The following UBAP2 variants were observed in gnomAD, a reference collection of about 807,000 sequenced individuals.
UBAP2 encodes the protein ubiquitin-associated protein 2.
In UBAP2, 75 loss-of-function variants were observed where a neutral mutation model predicts 139.6. The observed-to-expected ratio is 0.54, with a 90% CI of 0.45 to 0.65. The LOEUF is 0.65. Among genes scored for constraint, UBAP2 ranks in the 30% least tolerant of loss-of-function variants. The pLI is 0.00. For synonymous variants in UBAP2, 526 were observed against 526.2 expected, an observed-to-expected ratio of 1.00 and a Z score of 0.01; for missense variants, 1,368 against 1,369.6, an observed-to-expected ratio of 1.00 and a Z score of 0.02.
intron 26 of UBAP2, 49 bp from the exon 27 acceptor site, chr9:33,923,082 G>A (rs1823063349): frequency 1.9e-6 from 3 of 1,613,160 alleles, no homozygotes; most frequent in Non-Finnish European, 2.5e-6. Context: ...CCAGCTCCAG[G>A]CTCCCCACCT....
rs372618667 is a variant in UBAP2 at position 34,012,869 on chromosome 9, G to A, written c.99+4181C>T. On this transcript the variant is annotated intron_variant, in intron 2 of 28. Coordinates refer to ENST00000379238, the MANE Select transcript of UBAP2 (RefSeq NM_001370062.2). The stretch of plus-strand genomic sequence containing the variant: ...TTTTTTTTTTTAAATTGAGGTTCAC[G>A]GTCAGGCCCAGGGGCTCACACCTAT... Among the ~76,000 whole-genome samples, 6 of 150,420 alleles carry A rather than the reference G, an allele frequency of 4.0e-5. 1 individual carries two copies. The highest frequency in any genetic ancestry group is 6.6e-5 in the Admixed American group (1 of 15,050).
intron 2 of UBAP2, among the ~76,000 whole-genome samples, chr9:34,007,931 G>A (rs1014887029): frequency 3.9e-5 from 6 of 152,028 alleles, no homozygotes; most frequent in African/African-American, 1.4e-4. Context: ...ATAAGCCACC[G>A]CACTGGCCTG....
At position 33,922,175 on chromosome 9, in the gene UBAP2, G is replaced by T. The variant is rs1205204713; in HGVS notation, c.*329C>A. On this transcript the variant is annotated 3_prime_UTR_variant, in exon 29 of 29. Transcript: ENST00000379238. ...CAGAGACTGCCCCTAGTGGCCCACT[G>T]GGCAGTGCAGGCTGTGAAGAAGACC... 6.4e-6 allele frequency: 2 copies of T among 314,256 alleles called. No homozygotes were observed. The highest frequency in any genetic ancestry group is 1.2e-5 in the Non-Finnish European group (2 of 166,356). The allele number at this position is 314,256 out of a possible 1,614,324, so 19.5% of individuals were successfully genotyped here.
intron 10 of UBAP2, among the ~76,000 whole-genome samples, chr9:33,956,723 C>G (rs1826594810): frequency 6.6e-6 from 1 of 152,102 alleles, no homozygotes; most frequent in Admixed American, 6.6e-5. Context: ...GTGAAACACT[C>G]AAACCAGGGC....
At chr9:33,967,259 T>C (rs777725441) in intron 8 of UBAP2, among the ~76,000 whole-genome samples, 9 of 152,236 alleles carry the variant, frequency 5.9e-5, no homozygotes, top group Non-Finnish European at 1.2e-4. Flanking sequence ...CAGATTCTTT[T>C]ACACAATCAC....
intron 12 of UBAP2, among the ~76,000 whole-genome samples, chr9:33,949,875 A>G (rs536391065): frequency 1.8e-4 from 28 of 152,336 alleles, no homozygotes; most frequent in Middle Eastern, 3.4e-3. Flanking sequence ...TTAGATGACT[A>G]AGAACACCAA....
At chr9:34,039,847 T>TAAAAAAAAAACAAAA (rs1826885036) in intron 1 of UBAP2, among the ~76,000 whole-genome samples, 1 of 84,422 alleles carries the variant, frequency 1.2e-5, no homozygotes, top group Non-Finnish European at 2.2e-5. Flanking sequence ...CAATAAATAC[T>TAAAAAAAAAACAAAA]AAAAAAAAAA....
At chr9:33,974,193 A>G (rs773794049) in intron 6 of UBAP2, among the ~76,000 whole-genome samples, 3 of 152,154 alleles carry the variant, frequency 2.0e-5, no homozygotes, top group Admixed American at 6.5e-5. Flanking sequence ...CTGTCTCAAC[A>G]ACAACAACAA....
rs1226126055 is a variant in UBAP2 at position 34,041,464 on chromosome 9, C to CAAA, written c.-42+7358_-42+7360dup. Among the ~76,000 whole-genome samples the CAAA allele has an allele frequency of 7.0e-3, 581 of 82,458 alleles. 9 individuals are homozygous for CAAA. The highest frequency in any genetic ancestry group is 0.024 in the African/African-American group (524 of 21,460). 54.1% of individuals were successfully genotyped at this position (82,458 alleles called of 152,430 possible). On this transcript the variant is annotated intron_variant, in intron 1 of 28. Coordinates refer to ENST00000379238, the MANE Select transcript of UBAP2 (RefSeq NM_001370062.2). ...TGGGCAACAAGAGCAAACTCCATCTCAAAAAAAAAAAAAAAAACAAACAAG... is the reference window on the plus strand; with the variant it reads ...TGGGCAACAAGAGCAAACTCCATCTCAAAAAAAAAAAAAAAAAAAACAAACAAG...
At chr9:33,976,853 T>C (rs887785764) in intron 6 of UBAP2, among the ~76,000 whole-genome samples, 1 of 150,326 alleles carries the variant, frequency 6.7e-6, no homozygotes, top group African/African-American at 2.4e-5. Context: ...TGTATATATA[T>C]ATACAAAAAT....
chr9:33,984,172 G>A (rs1821003637), intron 6 of UBAP2, among the ~76,000 whole-genome samples: 2 of 151,580 alleles, frequency 1.3e-5, no homozygotes, highest in African/African-American at 2.4e-5. Flanking sequence ...CCAAAGTGCT[G>A]GGATTACAGG....
At chr9:33,980,364 C>G (rs1226424532) in intron 6 of UBAP2, among the ~76,000 whole-genome samples, 1 of 147,358 alleles carries the variant, frequency 6.8e-6, no homozygotes, top group Non-Finnish European at 1.5e-5. Context: ...TCCTGAGTAG[C>G]TGGGACTACA....
In UBAP2 at chr9:33,922,173, C is replaced by T. The variant is rs1040915861; in HGVS notation, c.*331G>A. 7.0e-5 allele frequency: 21 copies of T among 298,382 alleles called. No individual in the cohort carries two copies. Among genetic ancestry groups the T allele is most frequent in the Non-Finnish European group, 1.3e-4 (21 of 157,828 alleles). 18.5% of individuals were successfully genotyped at this position (298,382 alleles called of 1,614,324 possible). A position where few individuals can be genotyped will look rare whatever the true frequency, so the allele number is the denominator to read the frequency against. ...TCCAGAGACTGCCCCTAGTGGCCCACTGGGCAGTGCAGGCTGTGAAGAAGA... is the reference window on the plus strand; with the variant it reads ...TCCAGAGACTGCCCCTAGTGGCCCATTGGGCAGTGCAGGCTGTGAAGAAGA... On this transcript the variant is annotated 3_prime_UTR_variant, in exon 29 of 29. Coordinates refer to ENST00000379238, the MANE Select transcript of UBAP2 (RefSeq NM_001370062.2).
At chr9:33,931,293 A>T (rs1024196240) in intron 19 of UBAP2, among the ~76,000 whole-genome samples, 2 of 152,260 alleles carry the variant, frequency 1.3e-5, no homozygotes, top group Non-Finnish European at 2.9e-5. Context: ...AATCCCCTGC[A>T]TATATGGAGG....
intron 8 of UBAP2, among the ~76,000 whole-genome samples, chr9:33,969,879 C>G (rs1827779475): frequency 6.9e-6 from 1 of 145,218 alleles, no homozygotes; most frequent in African/African-American, 2.5e-5. Flanking sequence ...CCCCCACCCC[C>G]AAAAAAAACC....
intron 6 of UBAP2, among the ~76,000 whole-genome samples, chr9:33,980,134 C>T (rs1820508941): frequency 6.6e-6 from 1 of 150,478 alleles, no homozygotes; most frequent in Non-Finnish European, 1.5e-5. Context: ...CAAACACATA[C>T]TTAGCTGACA....
intron 22 of UBAP2, 115 bp from the exon 23 acceptor site, chr9:33,924,399 G>C (rs1388154434): frequency 9.8e-7 from 1 of 1,023,186 alleles, no homozygotes; most frequent in Non-Finnish European, 1.5e-6. Flanking sequence ...CCATGCCTGA[G>C]AGCCAGCAGT....
Position 34,036,329 on chromosome 9 carries a change from A to C in UBAP2, c.-42+12496T>G, listed in dbSNP as rs553099410. On this transcript the variant is annotated intron_variant, in intron 1 of 28. Coordinates refer to ENST00000379238, the MANE Select transcript of UBAP2 (RefSeq NM_001370062.2). Reference sequence around the variant, plus strand: ...ATGGGGTTTCTCCATGTTGGTCAGGATGGTCTCAAACTCCCGACCTCAGGT... The same window carrying C: ...ATGGGGTTTCTCCATGTTGGTCAGGCTGGTCTCAAACTCCCGACCTCAGGT... Among the ~76,000 whole-genome samples the C allele has an allele frequency of 1.2e-3, 187 of 151,970 alleles. 1 individual carries two copies. The highest frequency in any genetic ancestry group is 4.2e-3 in the African/African-American group (176 of 41,470).
intron 5 of UBAP2, among the ~76,000 whole-genome samples, chr9:33,988,708 A>G (rs10971833): frequency 0.13 from 19,306 of 152,260 alleles, 1,565 homozygotes; most frequent in African/African-American, 0.22. Flanking sequence ...ATACGAAACC[A>G]CATGGGAGGC....
Sources: allele counts gnomAD v4.1 joint callset (sites outside exome capture counted in the v4.1 genomes callset), GRCh38; gene constraint gnomAD v4.1.1; transcripts MANE v1.5; gene names NCBI Gene and HGNC (gene_info 2026-07-23, HGNC 2026-07-21).